The following SDK1 variants were observed in gnomAD, a reference collection of about 807,000 sequenced individuals.
SDK1 encodes the protein protein sidekick-1.
A neutral mutation model predicts 245.5 loss-of-function variants in SDK1; 157 were observed. The observed-to-expected ratio is 0.64, with a 90% CI of 0.56 to 0.73. SDK1 has a LOEUF of 0.73. Among genes scored for constraint, SDK1 ranks in the 30% least tolerant of loss-of-function variants. The pLI is 0.00. For synonymous variants in SDK1, 1,647 were observed against 1,278.5 expected (o/e 1.29, Z -6.15); for missense variants, 3,583 against 3,002.3 (o/e 1.19, Z -4.52).
intron 1 of SDK1, among the ~76,000 whole-genome samples, chr7:3,348,559 A>T (rs190455600): frequency 6.6e-6 from 1 of 152,154 alleles, no homozygotes; most frequent in Non-Finnish European, 1.5e-5. Context: ...AGCGGGAGGG[A>T]GGAAGACGCA....
At chr7:4,119,226 G>A (rs1783911010) in intron 25 of SDK1, among the ~76,000 whole-genome samples, 1 of 148,222 alleles carries the variant, frequency 6.7e-6, no homozygotes, top group South Asian at 2.2e-4. Context: ...GAGGCAGGAG[G>A]ATTACCAGGA....
At chr7:3,991,303 G>A (rs1784296890) in intron 14 of SDK1, among the ~76,000 whole-genome samples, 1 of 152,134 alleles carries the variant, frequency 6.6e-6, no homozygotes, top group African/African-American at 2.4e-5. Flanking sequence ...GGTGTTACCT[G>A]GGAAAGTTCT....
intron 40 of SDK1, among the ~76,000 whole-genome samples, chr7:4,222,913 G>A (rs1785222264): frequency 6.6e-6 from 1 of 152,092 alleles, no homozygotes; most frequent in African/African-American, 2.4e-5. Flanking sequence ...AGACGTGTGG[G>A]TTCTGGGGCC....
chr7:4,205,903 T>C lies in SDK1; in HGVS notation c.5123T>C (p.Val1708Ala). 6.4e-7 allele frequency: 1 copy of C among 1,556,808 alleles called. No homozygotes were observed. Among genetic ancestry groups the C allele is most frequent in the Non-Finnish European group, 8.7e-7 (1 of 1,149,712 alleles). The change falls in exon 36 of 45, where the codon GTG (valine) becomes GCG (alanine). Residue 1708 changes from valine (V) to alanine (A), a missense_variant. Val to Ala is a moderately conservative substitution (Grantham distance 64). Coordinates refer to ENST00000404826, the MANE Select transcript of SDK1 (RefSeq NM_152744.4). ...GCCCCGGCCATGGCCCCGCAGAACG[T>C]GCAGGTGACCCCACTCACGGCCAGC... Reference protein sequence around the residue: ...EAAPAMAPQNVQVTPLTASQL... With the variant: ...EAAPAMAPQNAQVTPLTASQL...
intron 4 of SDK1, among the ~76,000 whole-genome samples, chr7:3,656,073 A>G (rs1374688326): frequency 6.6e-6 from 1 of 152,188 alleles, no homozygotes; most frequent in East Asian, 1.9e-4. Context: ...ATGAGCACAC[A>G]TTAGTATTCA....
intron 4 of SDK1, among the ~76,000 whole-genome samples, chr7:3,792,968 C>G (rs1318164808): frequency 6.6e-6 from 1 of 152,252 alleles, no homozygotes; most frequent in East Asian, 1.9e-4. Context: ...TGTAATAACT[C>G]AAGCCTTTCA....
At chr7:4,080,025 C>A (rs1345975263) in intron 22 of SDK1, among the ~76,000 whole-genome samples, 2 of 152,128 alleles carry the variant, frequency 1.3e-5, no homozygotes. Context: ...AGCACGGGGG[C>A]TATTGCAGTA....
intron 44 of SDK1, among the ~76,000 whole-genome samples, chr7:4,247,492 CT>C (rs1786961119): frequency 6.6e-6 from 1 of 152,256 alleles, no homozygotes; most frequent in Non-Finnish European, 1.5e-5. Context: ...TTATCAGAAG[CT>C]CGCTGCATGT....
At chr7:4,141,452 T>G (rs919525665) in intron 28 of SDK1, among the ~76,000 whole-genome samples, 8 of 152,188 alleles carry the variant, frequency 5.3e-5, no homozygotes, top group Admixed American at 2.0e-4. Context: ...CAGTAAAGAT[T>G]AAACAATAAT....
chr7:3,344,532 G>T (rs1194317027), intron 1 of SDK1, among the ~76,000 whole-genome samples: 2 of 152,152 alleles, frequency 1.3e-5, no homozygotes, highest in African/African-American at 4.8e-5. Context: ...AAGAATTGTA[G>T]ACAGTTTATT....
rs758251101 is a variant in SDK1, at chr7:4,011,048, C to T, written c.2214C>T (p.Thr738=). The T allele has an allele frequency of 1.9e-6, 3 of 1,614,186 alleles. No homozygotes were observed. The highest frequency in any genetic ancestry group is 2.2e-5 in the South Asian group (2 of 91,068). ...VTVSGLTPAR[T]YQFRVCAVNE... is the part of the protein sequence containing the mutation. Reference sequence around the variant, plus strand: ...TGAGTGGCCTGACTCCGGCTCGTACCTATCAATTCCGGGTGTGCGCGGTGA... The same window carrying T: ...TGAGTGGCCTGACTCCGGCTCGTACTTATCAATTCCGGGTGTGCGCGGTGA... The change falls in exon 15 of 45, where the codon ACC becomes ACT. Residue 738 remains threonine, a synonymous_variant. Transcript: ENST00000404826.
At chr7:3,584,652 G>C (rs1780621729) in intron 1 of SDK1, among the ~76,000 whole-genome samples, 1 of 152,142 alleles carries the variant, frequency 6.6e-6, no homozygotes, top group Admixed American at 6.5e-5. Context: ...GCACGTGCTT[G>C]GGCGTGTCCG....
chr7:4,158,400 G>T, intron 30 of SDK1, 48 bp from the exon 31 acceptor site: 1 of 1,477,142 alleles, frequency 6.8e-7, no homozygotes, highest in South Asian at 1.1e-5. Flanking sequence ...CCTGAGGGCA[G>T]GACAGGGTGG....
At chr7:3,877,250 G>T (rs1030174086) in intron 5 of SDK1, among the ~76,000 whole-genome samples, 1 of 152,180 alleles carries the variant, frequency 6.6e-6, no homozygotes, top group Non-Finnish European at 1.5e-5. Flanking sequence ...CCATGCATTG[G>T]AGAGTCCGCC....
rs573720472 is a variant in SDK1, at chr7:3,639,170, A to G, written c.565+60A>G. On this transcript the variant is annotated intron_variant, in intron 3 of 44. Transcript: ENST00000404826. The stretch of plus-strand genomic sequence containing the variant: ...AGAACAAAGTGTCGCTGGGGAGTCA[A>G]TCAGAATCACTTTTCACCATTGTAG... 67 of 907,976 alleles carry G rather than the reference A, an allele frequency of 7.4e-5. No individual in the cohort carries two copies. The African/African-American group carries it at 9.0e-4, about 12-fold the overall frequency. The allele number at this position is 907,976 out of a possible 1,614,324, so 56.2% of individuals were successfully genotyped here. A position where few individuals can be genotyped will look rare whatever the true frequency, so the allele number is the denominator to read the frequency against.
intron 25 of SDK1, among the ~76,000 whole-genome samples, chr7:4,116,514 C>G (rs1195203932): frequency 6.6e-6 from 1 of 152,182 alleles, no homozygotes; most frequent in African/African-American, 2.4e-5. Flanking sequence ...TTCCCCGGGT[C>G]CCGTTGGTGA....
chr7:3,434,477 T>A (rs934690148), intron 1 of SDK1, among the ~76,000 whole-genome samples: 4 of 152,292 alleles, frequency 2.6e-5, no homozygotes, highest in Middle Eastern at 3.4e-3. Flanking sequence ...GAAGACGGAG[T>A]GTCATAACTA....
intron 5 of SDK1, among the ~76,000 whole-genome samples, chr7:3,830,497 G>C (rs1340297077): frequency 1.4e-4 from 22 of 151,954 alleles, no homozygotes; most frequent in Non-Finnish European, 1.5e-5. Flanking sequence ...ATTTTGTTTT[G>C]TTTTGTTTTG....
chr7:4,150,750 T>C (rs1406753629), intron 30 of SDK1, among the ~76,000 whole-genome samples: 6 of 152,276 alleles, frequency 3.9e-5, no homozygotes, highest in Middle Eastern at 3.4e-3. Context: ...TGAGGGCTGA[T>C]TGGAGTGTGG....
Sources: allele counts gnomAD v4.1 joint callset (sites outside exome capture counted in the v4.1 genomes callset), GRCh38; gene constraint gnomAD v4.1.1; transcripts MANE v1.5; gene names NCBI Gene and HGNC (gene_info 2026-07-23, HGNC 2026-07-21).